Variants in GPHN observed in about 807,000 individuals in gnomAD.
GPHN encodes gephyrin.
A neutral mutation model predicts 95.5 loss-of-function variants in GPHN; 17 were observed. The ratio of observed to expected loss-of-function variants is 0.18; its 90% CI spans 0.12 to 0.27. GPHN has a LOEUF of 0.27. Among genes scored for constraint, GPHN ranks in the 10% least tolerant of loss-of-function variants. GPHN has a pLI of 1.00. For missense variants in GPHN, 660 were observed against 978.1 expected, an observed-to-expected ratio of 0.67 and a Z score of 4.34; for synonymous variants, 320 against 322.5, an observed-to-expected ratio of 0.99 and a Z score of 0.08.
At chr14:67,308,234 TAAAA>T in the GPHN span, among the ~76,000 whole-genome samples, 4 of 138,898 alleles carry the variant, frequency 2.9e-5, no homozygotes, top group Admixed American at 2.1e-4. Flanking sequence ...CTTAACAGTT[TAAAA>T]AAAAAAAAAG....
intron 1 of GPHN, among the ~76,000 whole-genome samples, chr14:66,631,027 A>G (rs553667812): frequency 3.4e-4 from 52 of 151,076 alleles, no homozygotes; most frequent in Middle Eastern, 6.8e-3. Context: ...CTTTAATTGC[A>G]GTCGTTCTTT....
At chr14:66,614,564 C>T (rs2062921059) in intron 1 of GPHN, among the ~76,000 whole-genome samples, 1 of 145,906 alleles carries the variant, frequency 6.9e-6, no homozygotes, top group Non-Finnish European at 1.5e-5. Context: ...TATTCTTTCA[C>T]TCCAAAACTT....
the GPHN span, chr14:67,727,526 A>C: frequency 3.1e-6 from 1 of 326,424 alleles, no homozygotes; most frequent in South Asian, 2.4e-5. Flanking sequence ...CTTGTCGCCC[A>C]GGCTGGAGTG....
chr14:66,693,777 T>C (rs1353470495), intron 2 of GPHN, among the ~76,000 whole-genome samples: 1 of 152,150 alleles, frequency 6.6e-6, no homozygotes, highest in African/African-American at 2.4e-5. Flanking sequence ...CCAGTCAAGG[T>C]GGCACCAAAA....
At chr14:66,583,993 C>T (rs768718835) in intron 1 of GPHN, among the ~76,000 whole-genome samples, 8,784 of 152,118 alleles carry the variant, frequency 0.058, 352 homozygotes, top group Middle Eastern at 0.099. Context: ...GCCATTTTCA[C>T]GATACTGATT....
At chr14:67,205,614 A>G in the GPHN span, among the ~76,000 whole-genome samples, 6 of 152,212 alleles carry the variant, frequency 3.9e-5, no homozygotes, top group Non-Finnish European at 7.3e-5. Flanking sequence ...GAGAGTGGAA[A>G]AACAGAGAGT....
chr14:67,710,493 C>T, the GPHN span, among the ~76,000 whole-genome samples: 2 of 152,108 alleles, frequency 1.3e-5, no homozygotes, highest in Non-Finnish European at 2.9e-5. Flanking sequence ...TTGAACATCC[C>T]TCCTTCTTAA....
intron 1 of GPHN, among the ~76,000 whole-genome samples, chr14:66,641,959 T>C (rs2064436852): frequency 6.6e-6 from 1 of 152,072 alleles, no homozygotes; most frequent in East Asian, 1.9e-4. Context: ...AGTAACAAAA[T>C]AAGTGTAAGA....
Position 66,709,561 on chromosome 14 carries a change from A to C in GPHN, c.143+28376A>C, listed in dbSNP as rs966340407. ...GAGTGGGAAGGTGTAAAATTTCATC[A>C]TACTCCTCAGACTGGCACATAATTT... On this transcript the variant is annotated intron_variant, in intron 2 of 22. Transcript: ENST00000478722. 5.0e-5 allele frequency: 18 copies of C among 362,466 alleles called. 1 individual carries two copies. In the Admixed American group the frequency reaches 5.9e-4, roughly 12 times the overall value. The allele number at this position is 362,466 out of a possible 1,614,324, so 22.5% of individuals were successfully genotyped here. A position where few individuals can be genotyped will look rare whatever the true frequency, so the allele number is the denominator to read the frequency against.
the GPHN span, among the ~76,000 whole-genome samples, chr14:67,665,268 T>A: frequency 6.6e-6 from 1 of 150,556 alleles, no homozygotes; most frequent in African/African-American, 2.4e-5. Flanking sequence ...TCTTTTTTTT[T>A]TTTTTTTTTT....
the GPHN span, among the ~76,000 whole-genome samples, chr14:67,394,362 C>T: frequency 0.02 from 2,998 of 152,086 alleles, 39 homozygotes; most frequent in Middle Eastern, 0.034. Context: ...AGCCACTGCA[C>T]TCCAGCCCGG....
chr14:67,331,228 A>T, the GPHN span, among the ~76,000 whole-genome samples: 2 of 152,092 alleles, frequency 1.3e-5, no homozygotes, highest in East Asian at 3.9e-4. Context: ...TATTTTTAAT[A>T]GAGACGGGGT....
chr14:67,136,399 C>T (rs570687820), intron 17 of GPHN, among the ~76,000 whole-genome samples: 8 of 152,276 alleles, frequency 5.3e-5, no homozygotes, highest in South Asian at 4.1e-4. Flanking sequence ...GCTTCCTGGA[C>T]GGTTTTGTTG....
chr14:66,885,083 A>C (rs1170051160), intron 5 of GPHN, among the ~76,000 whole-genome samples: 2 of 152,064 alleles, frequency 1.3e-5, no homozygotes, highest in African/African-American at 4.8e-5. Flanking sequence ...TTTTATAGAA[A>C]TGAATCAAAT....
intron 8 of GPHN, among the ~76,000 whole-genome samples, chr14:66,957,854 A>G (rs2068635198): frequency 6.6e-6 from 1 of 152,154 alleles, no homozygotes; most frequent in South Asian, 2.1e-4. Context: ...CTCCTCTCAG[A>G]TCAGTGGCAA....
the GPHN span, among the ~76,000 whole-genome samples, chr14:67,347,960 G>A: frequency 6.6e-6 from 1 of 150,964 alleles, no homozygotes; most frequent in Non-Finnish European, 1.5e-5. Flanking sequence ...CGCCCAGGCT[G>A]CAGTGCAGTG....
At chr14:66,704,736 C>A (rs893342163) in intron 2 of GPHN, among the ~76,000 whole-genome samples, 1 of 152,064 alleles carries the variant, frequency 6.6e-6, no homozygotes, top group South Asian at 2.1e-4. Flanking sequence ...GACACCCTAT[C>A]GTCACAATTT....
At chr14:66,631,311 T>C (rs1015181214) in intron 1 of GPHN, among the ~76,000 whole-genome samples, 1 of 152,278 alleles carries the variant, frequency 6.6e-6, no homozygotes, top group African/African-American at 2.4e-5. Context: ...CCTCCCAAAG[T>C]GCTGGGATTA....
the GPHN span, chr14:67,592,768 A>C: frequency 8.9e-7 from 1 of 1,117,776 alleles, no homozygotes; most frequent in Non-Finnish European, 1.3e-6. Flanking sequence ...CTCATTTTGC[A>C]TTCTTTTTTT....
Sources: gnomAD v4.1 joint callset for allele counts (sites outside exome capture counted in the v4.1 genomes callset) on GRCh38, gnomAD v4.1.1 for gene constraint, MANE v1.5 for transcripts, NCBI Gene and HGNC (gene_info 2026-07-23, HGNC 2026-07-21) for gene names.